The following ARMC2 variants were observed in gnomAD, a reference collection of about 807,000 sequenced individuals.
ARMC2 encodes armadillo repeat-containing protein 2.
A neutral mutation model predicts 90.3 loss-of-function variants in ARMC2; 67 were observed. The observed-to-expected ratio is 0.74, with a 90% CI of 0.61 to 0.91. ARMC2 has a LOEUF of 0.91. ARMC2 is among the 40% of genes least tolerant of loss of function. ARMC2 has a pLI of 0.00. For missense variants in ARMC2, 920 were observed against 1,030.9 expected, an observed-to-expected ratio of 0.89 and a Z score of 1.47; for synonymous variants, 393 against 393.0, an observed-to-expected ratio of 1.00 and a Z score of 0.00.
chr6:109,021,010 T>C, the ARMC2 span, among the ~76,000 whole-genome samples: 1 of 152,192 alleles, frequency 6.6e-6, no homozygotes, highest in Non-Finnish European at 1.5e-5. Flanking sequence ...CTTTATTTTC[T>C]TTTTTAGAGA....
chr6:109,003,287 A>T, the ARMC2 span, among the ~76,000 whole-genome samples: 2 of 150,922 alleles, frequency 1.3e-5, no homozygotes, highest in African/African-American at 4.9e-5. Flanking sequence ...TTAAATACTC[A>T]TATAATTCTA....
intron 5 of ARMC2, among the ~76,000 whole-genome samples, chr6:108,888,589 G>C (rs949636867): frequency 6.6e-6 from 1 of 152,218 alleles, no homozygotes; most frequent in Admixed American, 6.5e-5. Context: ...TTTCTTTTGA[G>C]TACATAAGTC....
chr6:109,009,617 C>T, the ARMC2 span: 4 of 1,001,746 alleles, frequency 4.0e-6, no homozygotes, highest in Middle Eastern at 4.6e-4. Context: ...CGTCATTTCA[C>T]CGCCCTGGCG....
the ARMC2 span, among the ~76,000 whole-genome samples, chr6:109,029,770 G>C: frequency 5.1e-4 from 78 of 152,182 alleles, no homozygotes; most frequent in South Asian, 0.016. Context: ...TGCCTCAAAT[G>C]ATCTTCCCAC....
At chr6:109,010,410 T>A in the ARMC2 span, among the ~76,000 whole-genome samples, 5 of 152,240 alleles carry the variant, frequency 3.3e-5, no homozygotes, top group African/African-American at 1.2e-4. Flanking sequence ...TGCATGTTTA[T>A]GCTGTTTTCA....
the ARMC2 span, among the ~76,000 whole-genome samples, chr6:109,044,311 C>CAAAAA: frequency 1.8e-4 from 5 of 28,458 alleles, no homozygotes; most frequent in African/African-American, 4.0e-4. Context: ...GAACTTGCCT[C>CAAAAA]AAAAAAAAAA....
chr6:108,991,125 A>C, the ARMC2 span, among the ~76,000 whole-genome samples: 2 of 151,530 alleles, frequency 1.3e-5, no homozygotes, highest in Non-Finnish European at 2.9e-5. Flanking sequence ...ATTGGCCTTT[A>C]TGTCTTTCAC....
chr6:108,919,544 A>G (rs558528285), intron 10 of ARMC2, among the ~76,000 whole-genome samples: 36 of 152,284 alleles, frequency 2.4e-4, no homozygotes, highest in Non-Finnish European at 4.1e-4. Flanking sequence ...TGATAATTTA[A>G]ACCAAATTTA....
At chr6:108,928,810 C>CG (rs780426785) in intron 11 of ARMC2, among the ~76,000 whole-genome samples, 7 of 152,098 alleles carry the variant, frequency 4.6e-5, no homozygotes, top group Non-Finnish European at 8.8e-5. Context: ...TCTGTTTCCT[C>CG]CCGCGCTGCT....
intron 5 of ARMC2, among the ~76,000 whole-genome samples, chr6:108,888,399 G>A (rs1770586996): frequency 6.6e-6 from 1 of 152,162 alleles, no homozygotes; most frequent in Non-Finnish European, 1.5e-5. Flanking sequence ...CTTACCCGAG[G>A]TCACACGGCT....
chr6:108,918,985 C>T (rs190614277), intron 10 of ARMC2, among the ~76,000 whole-genome samples: 173 of 152,226 alleles, frequency 1.1e-3, no homozygotes, highest in Middle Eastern at 3.4e-3. Context: ...TCTTTTTGTT[C>T]GGGCTTTGAT....
At chr6:108,931,274 T>C (rs986665128) in intron 11 of ARMC2, among the ~76,000 whole-genome samples, 1 of 151,954 alleles carries the variant, frequency 6.6e-6, no homozygotes, top group Non-Finnish European at 1.5e-5. Context: ...TATAGCTGCA[T>C]AGTATTCCAT....
chr6:108,890,871 C>T (rs1770949028), intron 5 of ARMC2, among the ~76,000 whole-genome samples: 1 of 152,172 alleles, frequency 6.6e-6, no homozygotes, highest in African/African-American at 2.4e-5. Context: ...CCATCGTCTA[C>T]ATTAGGTATT....
intron 8 of ARMC2, among the ~76,000 whole-genome samples, chr6:108,908,040 A>G (rs41287538): frequency 0.011 from 1,738 of 152,248 alleles, 6 homozygotes; most frequent in South Asian, 0.031. Context: ...GCCATGTGTT[A>G]CAGTTTCTGA....
intron 1 of ARMC2, among the ~76,000 whole-genome samples, chr6:108,851,107 C>T (rs887820184): frequency 6.6e-6 from 1 of 152,190 alleles, no homozygotes; most frequent in South Asian, 2.1e-4. Flanking sequence ...CTTTTGATTT[C>T]TCGCCATTTA....
At chr6:109,009,169 T>A in the ARMC2 span, among the ~76,000 whole-genome samples, 1 of 152,256 alleles carries the variant, frequency 6.6e-6, no homozygotes, top group South Asian at 2.1e-4. Context: ...AGGCAACCCC[T>A]TCCCCCGAGG....
the ARMC2 span, among the ~76,000 whole-genome samples, chr6:109,013,452 TA>T: frequency 0.022 from 3,314 of 152,282 alleles, 61 homozygotes; most frequent in Non-Finnish European, 0.03. Flanking sequence ...ATTTAGGAGA[TA>T]AATCTCAGAT....
chr6:108,868,489 T>A (rs1310183010), intron 3 of ARMC2, among the ~76,000 whole-genome samples: 1 of 152,202 alleles, frequency 6.6e-6, no homozygotes, highest in Non-Finnish European at 1.5e-5. Flanking sequence ...AGTGCTGGGA[T>A]TGCAGGCATG....
chr6:108,957,034 C>A (rs1297807550), intron 13 of ARMC2, among the ~76,000 whole-genome samples: 2 of 152,162 alleles, frequency 1.3e-5, no homozygotes, highest in Non-Finnish European at 2.9e-5. Context: ...TCAAGGGCCT[C>A]CCTGTGAGAA....
Sources: allele counts gnomAD v4.1 joint callset (sites outside exome capture counted in the v4.1 genomes callset), GRCh38; gene constraint gnomAD v4.1.1; transcripts MANE v1.5; gene names NCBI Gene and HGNC (gene_info 2026-07-23, HGNC 2026-07-21).